The following PGD variants were observed in gnomAD, a reference collection of about 807,000 sequenced individuals.
The protein encoded by PGD is phosphogluconate dehydrogenase.
In PGD, 21 loss-of-function variants were observed where a neutral mutation model predicts 60.4. That is an observed-to-expected ratio of 0.35 (90% CI 0.25 to 0.50). The LOEUF (loss-of-function observed/expected upper bound fraction) is 0.50, where lower values mean the gene tolerates loss of function less well. PGD is among the 20% of genes least tolerant of loss of function. PGD has a pLI of 0.98. For synonymous variants in PGD, 230 were observed against 235.9 expected, an observed-to-expected ratio of 0.97 and a Z score of 0.23; for missense variants, 477 against 613.1, an observed-to-expected ratio of 0.78 and a Z score of 2.34.
chr1:10,404,323 G>A, intron 5 of PGD, 44 bp downstream of exon 5: 1 of 1,262,114 alleles, frequency 7.9e-7, no homozygotes, highest in Non-Finnish European at 1.1e-6. Context: ...CAAGGGAGCT[G>A]GACTTTGAGA....
At chr1:10,401,669 GA>G (rs768463918) in intron 3 of PGD, among the ~76,000 whole-genome samples, 3 of 152,216 alleles carry the variant, frequency 2.0e-5, no homozygotes, top group Non-Finnish European at 2.9e-5. Flanking sequence ...TTCAGTATAG[GA>G]AAATACTAAG....
chr1:10,415,601 G>A (rs1639582077), intron 8 of PGD, among the ~76,000 whole-genome samples: 1 of 152,200 alleles, frequency 6.6e-6, no homozygotes, highest in South Asian at 2.1e-4. Context: ...TTCTAGAAAT[G>A]CTAAGTCATC....
chr1:10,417,515 T>C lies in PGD; in HGVS notation c.1109+6T>C. 1 of 1,605,534 alleles carries C rather than the reference T, an allele frequency of 6.2e-7. No individual in the cohort carries two copies. The highest frequency in any genetic ancestry group is 1.1e-5 in the South Asian group (1 of 90,060). Reference sequence around the variant, plus strand: ...GGGGGCTGCATCATTAGAAGGTAAGTGAGAGGCAGCCCAGGGTCCGACGGG... The same window carrying C: ...GGGGGCTGCATCATTAGAAGGTAAGCGAGAGGCAGCCCAGGGTCCGACGGG... On this transcript the variant is annotated splice_donor_region_variant and intron_variant, in intron 10 of 12. Transcript: ENST00000270776.
intron 8 of PGD, among the ~76,000 whole-genome samples, chr1:10,416,578 T>A (rs982905909): frequency 3.3e-5 from 5 of 152,246 alleles, no homozygotes; most frequent in Non-Finnish European, 7.3e-5. Context: ...GCAATAAAGC[T>A]TTTTAATCAC....
At position 10,417,560 on chromosome 1, in the gene PGD, C is replaced by G. The variant is rs191531370; in HGVS notation, c.1109+51C>G. 4.9e-4 allele frequency: 769 copies of G among 1,554,728 alleles called. 3 individuals are homozygous for G. In the African/African-American group the frequency reaches 9.2e-3, roughly 19 times the overall value. On this transcript the variant is annotated intron_variant, in intron 10 of 12. Transcript: ENST00000270776. ...GACGGGAAGGACTCACACGGCTGTG[C>G]AGAAGTGCGATCTTAGGACACTTAG...
At chr1:10,417,154 C>A in intron 9 of PGD, 37 bp downstream of exon 9, 1 of 1,611,192 alleles carries the variant, frequency 6.2e-7, no homozygotes, top group African/African-American at 1.3e-5. Flanking sequence ...TTTGTTGGTC[C>A]TGCGGAAGGC....
At chr1:10,407,035 G>A (rs1639419813) in intron 5 of PGD, among the ~76,000 whole-genome samples, 1 of 152,214 alleles carries the variant, frequency 6.6e-6, no homozygotes, top group Non-Finnish European at 1.5e-5. Flanking sequence ...TTCTGAGCCG[G>A]GTGCGATGGC....
At chr1:10,419,095 G>A (rs1298992519) in intron 11 of PGD, among the ~76,000 whole-genome samples, 170 bp downstream of exon 11, 1 of 150,512 alleles carries the variant, frequency 6.6e-6, no homozygotes, top group Non-Finnish European at 1.5e-5. Flanking sequence ...TGCAACCTCC[G>A]CCTCCTGGGT....
At chr1:10,406,226 CAGAAGT>C (rs1469265225) in intron 5 of PGD, among the ~76,000 whole-genome samples, 2 of 152,084 alleles carry the variant, frequency 1.3e-5, no homozygotes, top group Non-Finnish European at 2.9e-5. Flanking sequence ...TAATAAAACA[CAGAAGT>C]AGAGAGGCCT....
chr1:10,411,771 C>T (rs1300561347), intron 7 of PGD, among the ~76,000 whole-genome samples: 1 of 152,208 alleles, frequency 6.6e-6, no homozygotes, highest in Non-Finnish European at 1.5e-5. Flanking sequence ...TCATCACCAC[C>T]ATTTAGCGTA....
chr1:10,404,305 T>C lies in PGD; in HGVS notation c.449+26T>C, dbSNP rs1366360736. 1.8e-5 allele frequency: 26 copies of C among 1,435,062 alleles called. No homozygotes were observed. In the East Asian group the frequency reaches 5.8e-4, roughly 32 times the overall value. 88.9% of individuals were successfully genotyped at this position (1,435,062 alleles called of 1,614,324 possible). ...GTGAGTGCCATCAGCACTGTGCCCA[T>C]CTCTGTACAAGGGAGCTGGACTTTG... On this transcript the variant is annotated intron_variant, in intron 5 of 12. Transcript: ENST00000270776.
At position 10,404,025 on chromosome 1, in the gene PGD, T is replaced by TC. The variant is rs1361074189; in HGVS notation, c.331-134dup. ...GTTATTCCTAGATCCTTGGGTCATT[T>TC]CCTGTAAATGTAGGCTCTCCATTCC... On this transcript the variant is annotated intron_variant, in intron 4 of 12. Coordinates refer to ENST00000270776, the MANE Select transcript of PGD (RefSeq NM_002631.4). 4.5e-6 allele frequency: 3 copies of TC among 664,302 alleles called. No individual in the cohort carries two copies. In the Admixed American group the frequency reaches 7.7e-5, roughly 17 times the overall value. The allele number at this position is 664,302 out of a possible 1,614,324, so 41.2% of individuals were successfully genotyped here.
rs1639263395 is a variant in PGD, at chr1:10,399,117, C to G, written c.-1C>G. ...TCTTCGGTTCTGCTCTGTCCGCCGC[C>G]ATGGCCCAGTGAGTGACTCGCCAGG... On this transcript the variant is annotated 5_prime_UTR_variant, in exon 1 of 13. Transcript: ENST00000270776. The G allele has an allele frequency of 6.2e-7, 1 of 1,609,698 alleles. No individual in the cohort carries two copies. Among genetic ancestry groups the G allele is most frequent in the Non-Finnish European group, 8.5e-7 (1 of 1,179,710 alleles).
At position 10,408,057 on chromosome 1, in the gene PGD, G is replaced by GT. The variant is rs754811512; in HGVS notation, c.450-11dup. The GT allele has an allele frequency of 1.8e-5, 28 of 1,561,710 alleles. No individual in the cohort carries two copies. In the African/African-American group the frequency reaches 2.2e-4, roughly 12 times the overall value. On this transcript the variant is annotated splice_polypyrimidine_tract_variant and intron_variant, in intron 5 of 12. Transcript: ENST00000270776. ...CTCTTCTCATTAACTGAACCACACT[G>GT]TTTCTTTACACAGGCCCCACATCAA...
At chr1:10,399,827 G>C (rs980887985) in intron 2 of PGD, 123 bp downstream of exon 2, 9 of 845,380 alleles carry the variant, frequency 1.1e-5, no homozygotes, top group African/African-American at 5.0e-5. Flanking sequence ...GTTGCTGCTC[G>C]TGGCATTTTT....
At chr1:10,402,449 T>G (rs1210280944) in intron 3 of PGD, among the ~76,000 whole-genome samples, 1 of 151,438 alleles carries the variant, frequency 6.6e-6, no homozygotes, top group East Asian at 2.0e-4. Context: ...TGCGTTGGCC[T>G]CCTGCCAAGC....
chr1:10,407,128 A>G (rs977252245), intron 5 of PGD, among the ~76,000 whole-genome samples: 2 of 152,136 alleles, frequency 1.3e-5, no homozygotes, highest in African/African-American at 4.8e-5. Flanking sequence ...CCACATCAAC[A>G]TAGGGAGACC....
At position 10,405,425 on chromosome 1, in the gene PGD, C is replaced by CACACACACACACACACACAT. The variant is rs548786254; in HGVS notation, c.449+1147_449+1148insCACACACACACACACACATA. Among the ~76,000 whole-genome samples the CACACACACACACACACACAT allele has an allele frequency of 5.1e-4, 77 of 149,568 alleles. 2 individuals carry two copies. Among genetic ancestry groups the CACACACACACACACACACAT allele is most frequent in the South Asian group, 4.5e-3 (21 of 4,702 alleles). ...ATACACACACACACACACACACACACATATATATAAATAATTGTGGGCAAT... is the reference window on the plus strand; with the variant it reads ...ATACACACACACACACACACACACACACACACACACACACACACATATATATATAAATAATTGTGGGCAAT... On this transcript the variant is annotated intron_variant, in intron 5 of 12. Transcript: ENST00000270776.
intron 3 of PGD, 132 bp from the exon 4 acceptor site, chr1:10,402,939 C>T (rs1463743143): frequency 7.3e-6 from 5 of 689,264 alleles, no homozygotes; most frequent in African/African-American, 5.3e-5. Context: ...GTTCGCACTC[C>T]TGCATTCCAA....
Sources: allele counts gnomAD v4.1 joint callset (sites outside exome capture counted in the v4.1 genomes callset), GRCh38; gene constraint gnomAD v4.1.1; transcripts MANE v1.5; gene names NCBI Gene and HGNC (gene_info 2026-07-23, HGNC 2026-07-21).